The following SUCLG2 variants were observed in gnomAD, a reference collection of about 807,000 sequenced individuals.
SUCLG2 encodes the protein succinate-CoA ligase GDP-forming subunit beta.
SUCLG2 carries 42 observed loss-of-function variants against 47.9 expected under a neutral mutation model. The observed-to-expected ratio is 0.88, with a 90% CI of 0.69 to 1.14. SUCLG2 has a LOEUF of 1.14. SUCLG2 is among the 50% of genes most tolerant of loss of function. The pLI is 0.00. For missense variants in SUCLG2, 571 were observed against 525.9 expected (o/e 1.09, Z -0.84); for synonymous variants, 195 against 197.3 (o/e 0.99, Z 0.10).
intron 1 of SUCLG2, among the ~76,000 whole-genome samples, chr3:67,644,599 G>A (rs1486087861): frequency 2.6e-5 from 4 of 151,946 alleles, no homozygotes; most frequent in Non-Finnish European, 2.9e-5. Context: ...AACAATGTCC[G>A]AGTATGGTTA....
chr3:67,643,069 A>C (rs918609762), intron 1 of SUCLG2, among the ~76,000 whole-genome samples: 3 of 152,174 alleles, frequency 2.0e-5, no homozygotes, highest in South Asian at 4.2e-4. Flanking sequence ...ACTGGAATAA[A>C]ATGAATGAAT....
chr3:67,409,051 C>CAG, intron 9 of SUCLG2: 2 of 1,534,126 alleles, frequency 1.3e-6, no homozygotes, highest in Non-Finnish European at 1.7e-6. Flanking sequence ...TAAAATCAAT[C>CAG]AGAGGTAAGA....
At chr3:67,584,548 A>G (rs560108031) in intron 2 of SUCLG2, among the ~76,000 whole-genome samples, 2 of 152,316 alleles carry the variant, frequency 1.3e-5, no homozygotes, top group South Asian at 4.1e-4. Flanking sequence ...AGGTTCATTC[A>G]TGTTGTTGAA....
At chr3:67,553,864 C>T (rs770129428) in intron 2 of SUCLG2, among the ~76,000 whole-genome samples, 89 of 152,102 alleles carry the variant, frequency 5.9e-4, no homozygotes, top group Admixed American at 9.8e-4. Context: ...TTTAATATTC[C>T]GAGTTATCTT....
intron 9 of SUCLG2, among the ~76,000 whole-genome samples, chr3:67,494,447 C>T (rs1559546733): frequency 6.6e-6 from 1 of 151,916 alleles, no homozygotes; most frequent in Non-Finnish European, 1.5e-5. Context: ...CCAGCCTGAG[C>T]AACACAGCAA....
At position 67,540,292 on chromosome 3, in the gene SUCLG2, T is replaced by G. The variant is rs193126802; in HGVS notation, c.227-11106A>C. 8.7e-4 allele frequency among the ~76,000 whole-genome samples: 132 copies of G among 152,162 alleles called. 1 individual carries two copies. Among genetic ancestry groups the G allele is most frequent in the Middle Eastern group, 6.8e-3 (2 of 294 alleles). ...TTCTCATTGGTTTCAAAGAACTTAT[T>G]TATCCACTGGCTTGAAATTCACACC... On this transcript the variant is annotated intron_variant, in intron 2 of 10. Transcript: ENST00000307227.
At chr3:67,453,420 G>A (rs542997200) in intron 9 of SUCLG2, among the ~76,000 whole-genome samples, 14 of 152,234 alleles carry the variant, frequency 9.2e-5, no homozygotes, top group African/African-American at 3.1e-4. Flanking sequence ...CCTTCTTGCT[G>A]TGTCCTCACA....
At chr3:67,380,939 C>G (rs75833545) in intron 10 of SUCLG2, among the ~76,000 whole-genome samples, 15 of 152,142 alleles carry the variant, frequency 9.9e-5, no homozygotes, top group Admixed American at 2.0e-4. Flanking sequence ...CTGACCCTGC[C>G]CTTGTCGTTA....
In SUCLG2 at chr3:67,529,483, C is replaced by G. The variant is rs112226187; in HGVS notation, c.227-297G>C. 2.7e-3 allele frequency among the ~76,000 whole-genome samples: 409 copies of G among 152,272 alleles called. 5 individuals carry two copies. The highest frequency in any genetic ancestry group is 9.3e-3 in the African/African-American group (385 of 41,552). The stretch of plus-strand genomic sequence containing the variant: ...GCTCTTTTGAGTGTGTCAGAAGAAG[C>G]TAAATAAATCCTGGAAGGAGGTATT... On this transcript the variant is annotated intron_variant, in intron 2 of 10. Transcript: ENST00000307227.
At chr3:67,405,527 T>C (rs928624406) in intron 9 of SUCLG2, among the ~76,000 whole-genome samples, 1 of 152,146 alleles carries the variant, frequency 6.6e-6, no homozygotes, top group African/African-American at 2.4e-5. Flanking sequence ...TGGGGGATAA[T>C]AGTAGTTAAG....
intron 9 of SUCLG2, among the ~76,000 whole-genome samples, chr3:67,467,552 C>A (rs2106974277): frequency 6.6e-6 from 1 of 152,204 alleles, no homozygotes; most frequent in Admixed American, 6.5e-5. Context: ...TGCAATTTTA[C>A]CTTGAACAAG....
At chr3:67,475,063 G>A (rs1367894423) in intron 9 of SUCLG2, among the ~76,000 whole-genome samples, 2 of 151,452 alleles carry the variant, frequency 1.3e-5, no homozygotes, top group East Asian at 3.9e-4. Flanking sequence ...TGCAAGCATT[G>A]TAGTCTTAAT....
At chr3:67,390,652 GTTTT>G (rs200231997) in intron 10 of SUCLG2, among the ~76,000 whole-genome samples, 1 of 145,148 alleles carries the variant, frequency 6.9e-6, no homozygotes, top group Non-Finnish European at 1.5e-5. Context: ...TGAAATGAGG[GTTTT>G]TTTTTTTTCC....
rs534075696 is a variant in SUCLG2 at position 67,414,854 on chromosome 3, CTA to C, written c.1063-14005_1063-14004del. On this transcript the variant is annotated intron_variant, in intron 9 of 10. Transcript: ENST00000307227. ...ACTCCCTCAAATAATCTGAAAATTT[CTA>C]TTTCTTTTTTCTTTATGAGATGCAA... Among the ~76,000 whole-genome samples, 262 of 152,216 alleles carry C rather than the reference CTA, an allele frequency of 1.7e-3. 3 individuals carry two copies. Among genetic ancestry groups the C allele is most frequent in the Non-Finnish European group, 2.2e-3 (152 of 67,998 alleles).
downstream of SUCLG2, among the ~76,000 whole-genome samples, chr3:67,370,085 A>T (rs189776413): frequency 6.7e-4 from 102 of 152,296 alleles, no homozygotes; most frequent in African/African-American, 2.4e-3. Flanking sequence ...TATTTTACAA[A>T]TTTTTTTGAA....
chr3:67,620,729 G>A (rs962581163), intron 1 of SUCLG2, among the ~76,000 whole-genome samples: 30 of 152,248 alleles, frequency 2.0e-4, no homozygotes, highest in African/African-American at 6.5e-4. Flanking sequence ...AGGTATACCT[G>A]TGAAGGAACT....
At chr3:67,580,343 C>T (rs1283267653) in intron 2 of SUCLG2, among the ~76,000 whole-genome samples, 1 of 152,088 alleles carries the variant, frequency 6.6e-6, no homozygotes, top group Non-Finnish European at 1.5e-5. Context: ...TCTGGAAGGT[C>T]ACACCACAAA....
At chr3:67,540,806 G>C (rs2107173822) in intron 2 of SUCLG2, among the ~76,000 whole-genome samples, 1 of 152,296 alleles carries the variant, frequency 6.6e-6, no homozygotes, top group East Asian at 1.9e-4. Context: ...GCTCCGGCTG[G>C]CATCTGGGGG....
intron 9 of SUCLG2, among the ~76,000 whole-genome samples, chr3:67,476,226 CAGG>C (rs1046520119): frequency 6.6e-6 from 1 of 151,980 alleles, no homozygotes; most frequent in African/African-American, 2.4e-5. Context: ...GGCCGCACAG[CAGG>C]AGGTGAGCAG....
Sources: allele counts gnomAD v4.1 joint callset (sites outside exome capture counted in the v4.1 genomes callset), GRCh38; gene constraint gnomAD v4.1.1; transcripts MANE v1.5; gene names NCBI Gene and HGNC (gene_info 2026-07-23, HGNC 2026-07-21).